Variants in STARD3 observed in about 807,000 individuals in gnomAD.
The protein encoded by STARD3 is StAR related lipid transfer domain containing 3, also known as stAR-related lipid transfer protein 3.
In STARD3, 39 loss-of-function variants were observed where a neutral mutation model predicts 62.0. That is an observed-to-expected ratio of 0.63 (90% CI 0.49 to 0.82). The LOEUF (loss-of-function observed/expected upper bound fraction) is 0.82. STARD3 is among the 40% of genes least tolerant of loss of function. STARD3 has a pLI of 0.00. For missense variants in STARD3, 543 were observed against 584.5 expected (o/e 0.93, Z 0.73); for synonymous variants, 229 against 242.4 (o/e 0.94, Z 0.51).
At chr17:39,638,872 T>C (rs1318574435) in intron 1 of STARD3, among the ~76,000 whole-genome samples, 1 of 152,228 alleles carries the variant, frequency 6.6e-6, no homozygotes, top group Non-Finnish European at 1.5e-5. Context: ...CTGGGTGCAG[T>C]GGCTCATGCA....
Position 39,662,431 on chromosome 17 carries a change from C to G in STARD3, c.1233+87C>G. ...TGGTTGCTGCATGACTTTGGGGGCTCTCTGCCATGCCTGGGCCTCCCCTTT... is the reference window on the plus strand; with the variant it reads ...TGGTTGCTGCATGACTTTGGGGGCTGTCTGCCATGCCTGGGCCTCCCCTTT... On this transcript the variant is annotated intron_variant, in intron 14 of 14. Coordinates refer to ENST00000336308, the MANE Select transcript of STARD3 (RefSeq NM_006804.4). 4.6e-6 allele frequency: 6 copies of G among 1,310,914 alleles called. 1 individual carries two copies. The highest frequency in any genetic ancestry group is 2.5e-5 in the South Asian group (2 of 79,942). The allele number at this position is 1,310,914 out of a possible 1,614,324, so 81.2% of individuals were successfully genotyped here.
rs1400822460 is a variant in STARD3 at position 39,657,105 on chromosome 17, C to A, written c.297+20C>A. The A allele has an allele frequency of 6.2e-7, 1 of 1,612,870 alleles. No individual in the cohort carries two copies. Among genetic ancestry groups the A allele is most frequent in the South Asian group, 1.1e-5 (1 of 91,050 alleles). ...ATCTTTGTGAGTGGCCTTGGCTGAT[C>A]CTGGGGACCCCGGAGGCAGAGAGGG... is the stretch of plus-strand genomic sequence containing the variant. On this transcript the variant is annotated intron_variant, in intron 3 of 14. Transcript: ENST00000336308.
At chr17:39,652,279 C>A (rs1029179248) in intron 1 of STARD3, among the ~76,000 whole-genome samples, 1 of 152,166 alleles carries the variant, frequency 6.6e-6, no homozygotes, top group African/African-American at 2.4e-5. Context: ...ACCTACTGAG[C>A]ATTCATTTAT....
At chr17:39,640,216 C>G (rs1367854806) in intron 1 of STARD3, among the ~76,000 whole-genome samples, 1 of 152,128 alleles carries the variant, frequency 6.6e-6, no homozygotes, top group Non-Finnish European at 1.5e-5. Flanking sequence ...TGTGCCTGTT[C>G]CACTGAATGC....
Position 39,662,240 on chromosome 17 carries a change from T to C in STARD3, c.1140-11T>C, listed in dbSNP as rs751737941. The stretch of plus-strand genomic sequence containing the variant: ...GTTCCAAAGTCCCCCCAATGATGCC[T>C]CTTTCCATAGGGGAGAGAATGGCCC... On this transcript the variant is annotated splice_polypyrimidine_tract_variant and intron_variant, in intron 13 of 14. Transcript: ENST00000336308. 2 of 1,612,728 alleles carry C rather than the reference T, an allele frequency of 1.2e-6. No individual in the cohort carries two copies. Among genetic ancestry groups the C allele is most frequent in the South Asian group, 2.2e-5 (2 of 90,800 alleles).
Position 39,660,613 on chromosome 17 carries a change from T to C in STARD3, c.954+87T>C. The C allele has an allele frequency of 6.8e-7, 1 of 1,472,374 alleles. No individual in the cohort carries two copies. Among genetic ancestry groups the C allele is most frequent in the Middle Eastern group, 1.7e-4 (1 of 5,782 alleles). The allele number at this position is 1,472,374 out of a possible 1,614,324, so 91.2% of individuals were successfully genotyped here. On this transcript the variant is annotated intron_variant, in intron 11 of 14. Transcript: ENST00000336308. The surrounding 1 kb of genome is among the most constrained non-coding windows in gnomAD (Gnocchi z 4.8). ...TCACTGAAGCACTCAGCGCCTCAGC[T>C]GCCCCATCTGTACAGTGGGTGTGAT...
intron 1 of STARD3, among the ~76,000 whole-genome samples, chr17:39,639,054 A>G (rs1002060297): frequency 2.0e-5 from 3 of 152,222 alleles, no homozygotes; most frequent in African/African-American, 7.2e-5. Context: ...AGTTACAACG[A>G]GATATGGTTG....
In STARD3 at chr17:39,661,444, T is replaced by C; in HGVS notation, c.1139+359T>C. 7.8e-6 allele frequency: 2 copies of C among 255,476 alleles called. 1 individual carries two copies. 15.8% of individuals were successfully genotyped at this position (255,476 alleles called of 1,614,324 possible). On this transcript the variant is annotated intron_variant, in intron 13 of 14. Transcript: ENST00000336308. ...AGGCTCTATGCTCTGGGTTTCATCT[T>C]CCTGCCTAAGGAGACTCGGGTCCCC...
rs200085501 is a variant in STARD3 at position 39,659,478 on chromosome 17, C to T, written c.720C>T (p.Arg240=). The change falls in exon 9 of 15, where the codon CGC becomes CGT. Residue 240 remains arginine, a synonymous_variant. Transcript: ENST00000336308. ...CCGTCCAGGAGCGGGAGTACATCCG[C>T]CAGGGGAAGGAGGCCACGGCAGTGG... ...SFSAQEREYI[R]QGKEATAVVD... 1.9e-5 allele frequency: 30 copies of T among 1,614,102 alleles called. No individual in the cohort carries two copies. The African/African-American group carries it at 3.6e-4, about 19-fold the overall frequency.
At chr17:39,645,465 TTTTTG>T (rs913038020) in intron 1 of STARD3, among the ~76,000 whole-genome samples, 2 of 152,092 alleles carry the variant, frequency 1.3e-5, no homozygotes, top group Non-Finnish European at 2.9e-5. Context: ...ACTTGAAAGG[TTTTTG>T]TTTTGTTTTG....
intron 1 of STARD3, among the ~76,000 whole-genome samples, chr17:39,645,996 A>G (rs546623532): frequency 1.1e-4 from 15 of 141,986 alleles, no homozygotes; most frequent in Non-Finnish European, 1.5e-4. Flanking sequence ...GGTTCAATCA[A>G]TCCTCCCACC....
At chr17:39,650,338 C>T (rs1209480746) in intron 1 of STARD3, among the ~76,000 whole-genome samples, 2 of 152,156 alleles carry the variant, frequency 1.3e-5, no homozygotes. Flanking sequence ...TGCTCGCACA[C>T]CGTCAGGAGC....
chr17:39,658,846 G>A (rs772296694), intron 7 of STARD3, 26 bp downstream of exon 7: 3 of 1,610,570 alleles, frequency 1.9e-6, no homozygotes, highest in Non-Finnish European at 1.7e-6. Flanking sequence ...TGGGGGAACT[G>A]CTTTCAGGGA....
intron 1 of STARD3, among the ~76,000 whole-genome samples, chr17:39,638,113 C>G (rs996261274): frequency 2.6e-5 from 4 of 152,188 alleles, no homozygotes. Context: ...ACACTTTCTC[C>G]TCTCTTTCAA....
rs776177037 is a variant in STARD3, at chr17:39,659,037, C to T, written c.647-14C>T. Reference sequence around the variant, plus strand: ...CCACCCCTTGCCATTGTCATCTGTGCCTGTTTTCTGCAGGGTCTGACAATG... The same window carrying T: ...CCACCCCTTGCCATTGTCATCTGTGTCTGTTTTCTGCAGGGTCTGACAATG... On this transcript the variant is annotated splice_polypyrimidine_tract_variant and intron_variant, in intron 7 of 14. Transcript: ENST00000336308. 3 of 1,614,160 alleles carry T rather than the reference C, an allele frequency of 1.9e-6. No individual in the cohort carries two copies.
At chr17:39,648,781 C>T (rs1032666727) in intron 1 of STARD3, among the ~76,000 whole-genome samples, 6 of 152,290 alleles carry the variant, frequency 3.9e-5, no homozygotes, top group South Asian at 2.1e-4. Context: ...CCCGGGCTCC[C>T]GCAACACCTC....
chr17:39,658,047 C>A (rs115598518), intron 5 of STARD3, 21 bp downstream of exon 5: 1 of 1,553,342 alleles, frequency 6.4e-7, no homozygotes, highest in South Asian at 1.2e-5. Context: ...CAGGGTCTGG[C>A]CAGTCTGGTG....
At chr17:39,638,306 TTACGG>T (rs1451176635) in intron 1 of STARD3, among the ~76,000 whole-genome samples, 1 of 152,252 alleles carries the variant, frequency 6.6e-6, no homozygotes, top group Admixed American at 6.5e-5. Context: ...AACACAAGTC[TTACGG>T]TGCCAGTTCC....
intron 1 of STARD3, among the ~76,000 whole-genome samples, chr17:39,643,352 C>T (rs770571328): frequency 1.3e-5 from 2 of 152,166 alleles, no homozygotes; most frequent in Non-Finnish European, 2.9e-5. Flanking sequence ...GGGGGAAGGT[C>T]ATGTTCCTCT....
Sources: gnomAD v4.1 joint callset for allele counts (sites outside exome capture counted in the v4.1 genomes callset) on GRCh38, gnomAD v4.1.1 for gene constraint, Gnocchi (gnomAD v3.1) non-coding constraint, MANE v1.5 for transcripts, NCBI Gene and HGNC (gene_info 2026-07-23, HGNC 2026-07-21) for gene names.